The following MBNL2 variants were observed in gnomAD, a reference collection of about 807,000 sequenced individuals.
The protein encoded by MBNL2 is muscleblind like splicing regulator 2.
In MBNL2, 17 loss-of-function variants were observed where a neutral mutation model predicts 41.9. That is an observed-to-expected ratio of 0.41 (90% CI 0.28 to 0.61). MBNL2 has a LOEUF of 0.61. Ranked by LOEUF, MBNL2 falls within the 20% of genes least tolerant of loss-of-function variation. The pLI is 0.35. For synonymous variants in MBNL2, 195 were observed against 182.9 expected (o/e 1.07, Z -0.53); for missense variants, 336 against 505.6 (o/e 0.66, Z 3.22).
chr13:97,248,693 A>G (rs2045951023), intron 1 of MBNL2, among the ~76,000 whole-genome samples: 1 of 152,266 alleles, frequency 6.6e-6, no homozygotes. Flanking sequence ...TAAAATCAAG[A>G]TAACTTTTTT....
the MBNL2 span, among the ~76,000 whole-genome samples, chr13:97,161,505 G>T: frequency 6.6e-6 from 1 of 152,128 alleles, no homozygotes; most frequent in Non-Finnish European, 1.5e-5. Flanking sequence ...GTACTGCACT[G>T]CCCTTAGTGC....
chr13:97,156,401 T>A, the MBNL2 span, among the ~76,000 whole-genome samples: 1 of 146,768 alleles, frequency 6.8e-6, no homozygotes, highest in Non-Finnish European at 1.5e-5. Flanking sequence ...TTAGTTTAAT[T>A]AGATCCCATT....
intron 8 of MBNL2, among the ~76,000 whole-genome samples, chr13:97,370,528 G>T (rs769209767): frequency 5.9e-5 from 9 of 151,988 alleles, no homozygotes; most frequent in Non-Finnish European, 7.4e-5. Context: ...AATTAGCCAG[G>T]CATGGTGGCG....
intron 1 of MBNL2, among the ~76,000 whole-genome samples, chr13:97,259,253 G>T (rs1167460787): frequency 6.6e-6 from 1 of 152,124 alleles, no homozygotes; most frequent in East Asian, 1.9e-4. Context: ...TTGGTGCACA[G>T]TGGCATTCTC....
chr13:97,149,941 C>T, the MBNL2 span, among the ~76,000 whole-genome samples: 1 of 152,128 alleles, frequency 6.6e-6, no homozygotes. Context: ...CCTAAAACAC[C>T]CCCCTATATC....
At chr13:97,255,058 C>CCAAA (rs2152854278) in intron 1 of MBNL2, among the ~76,000 whole-genome samples, 1 of 152,214 alleles carries the variant, frequency 6.6e-6, no homozygotes, top group East Asian at 1.9e-4. Flanking sequence ...GGTTAACAAA[C>CCAAA]CAAACCCCAA....
intron 1 of MBNL2, among the ~76,000 whole-genome samples, chr13:97,246,723 T>C (rs958749743): frequency 1.2e-4 from 19 of 152,132 alleles, no homozygotes; most frequent in African/African-American, 4.6e-4. Flanking sequence ...TTTTTGACCC[T>C]GTAAAGAAAA....
At chr13:97,348,074 A>ATTTTTTT (rs71692187) in intron 5 of MBNL2, among the ~76,000 whole-genome samples, 21 of 120,314 alleles carry the variant, frequency 1.7e-4, no homozygotes, top group African/African-American at 5.9e-4. Context: ...GGGCAGTGGG[A>ATTTTTTT]TTTTTTTTTT....
chr13:97,357,479 T>C lies in MBNL2; in HGVS notation c.859-3T>C. 1 of 1,613,830 alleles carries C rather than the reference T, an allele frequency of 6.2e-7. No homozygotes were observed. On this transcript the variant is annotated splice_region_variant and splice_polypyrimidine_tract_variant and intron_variant, in intron 6 of 8. Transcript: ENST00000679496. ...CATATCTTATCGAATTCTTCATTTC[T>C]AGGCCTTTCCCCCTGGTGCTCTTCA...
chr13:97,152,787 G>A, the MBNL2 span, among the ~76,000 whole-genome samples: 1 of 152,088 alleles, frequency 6.6e-6, no homozygotes, highest in Admixed American at 6.6e-5. Context: ...ATGTAATGGA[G>A]AATAAGATCC....
intron 1 of MBNL2, among the ~76,000 whole-genome samples, chr13:97,263,254 A>G (rs886555539): frequency 6.6e-6 from 1 of 152,032 alleles, no homozygotes; most frequent in African/African-American, 2.4e-5. Flanking sequence ...CCTTTAACCA[A>G]TTTCCCCTCC....
intron 2 of MBNL2, among the ~76,000 whole-genome samples, chr13:97,281,690 C>T (rs1039105407): frequency 3.3e-5 from 5 of 152,154 alleles, no homozygotes; most frequent in African/African-American, 1.2e-4. Flanking sequence ...GCCTGATTTG[C>T]AAATATAATC....
intron 7 of MBNL2, among the ~76,000 whole-genome samples, chr13:97,359,711 T>C (rs2153109771): frequency 6.6e-6 from 1 of 152,264 alleles, no homozygotes; most frequent in South Asian, 2.1e-4. Context: ...ACAGTGGGCT[T>C]TGGAAGCCAA....
the MBNL2 span, among the ~76,000 whole-genome samples, chr13:97,191,559 A>G: frequency 1.3e-5 from 2 of 152,116 alleles, no homozygotes; most frequent in Admixed American, 6.5e-5. Context: ...ACAGAAACAC[A>G]TGTTATCCAC....
chr13:97,252,373 C>A (rs2046733232), intron 1 of MBNL2, among the ~76,000 whole-genome samples: 1 of 151,668 alleles, frequency 6.6e-6, no homozygotes, highest in African/African-American at 2.4e-5. Context: ...ATGCCACAAT[C>A]ATTTTTCAGG....
the MBNL2 span, among the ~76,000 whole-genome samples, chr13:97,146,396 G>A: frequency 6.6e-6 from 1 of 152,126 alleles, no homozygotes; most frequent in Non-Finnish European, 1.5e-5. Flanking sequence ...CCAAGCATTA[G>A]GCATGAACAT....
At chr13:97,224,878 C>T (rs1175533271) in intron 1 of MBNL2, among the ~76,000 whole-genome samples, 2 of 152,182 alleles carry the variant, frequency 1.3e-5, no homozygotes, top group Admixed American at 6.5e-5. Context: ...TTTTTTCCAT[C>T]GATCTAATCT....
chr13:97,155,278 G>A, the MBNL2 span, among the ~76,000 whole-genome samples: 2 of 151,006 alleles, frequency 1.3e-5, no homozygotes, highest in Non-Finnish European at 2.9e-5. Context: ...TTATATCCAG[G>A]TTTTAAATAA....
At chr13:97,254,289 C>A (rs1397830129) in intron 1 of MBNL2, among the ~76,000 whole-genome samples, 3 of 152,056 alleles carry the variant, frequency 2.0e-5, no homozygotes, top group African/African-American at 7.2e-5. Context: ...GAATAGTTTC[C>A]AAATGTGAAA....
Sources: allele counts gnomAD v4.1 joint callset (sites outside exome capture counted in the v4.1 genomes callset), GRCh38; gene constraint gnomAD v4.1.1; transcripts MANE v1.5; gene names NCBI Gene and HGNC (gene_info 2026-07-23, HGNC 2026-07-21).